The following ZNF569 variants were observed in gnomAD, a reference collection of about 807,000 sequenced individuals.
The protein encoded by ZNF569 is DNA-binding protein.
ZNF569 carries 38 observed loss-of-function variants against 56.3 expected under a neutral mutation model. That is an observed-to-expected ratio of 0.68 (90% CI 0.52 to 0.88). The LOEUF is 0.88. Among genes scored for constraint, ZNF569 ranks in the 40% least tolerant of loss-of-function variants. The probability of loss-of-function intolerance (pLI) is 0.00; values close to 1 mark genes in which losing one functional copy is unlikely to be tolerated. For synonymous variants in ZNF569, 241 were observed against 262.9 expected (o/e 0.92, Z 0.81); for missense variants, 666 against 809.2 (o/e 0.82, Z 2.15).
At chr19:37,468,976 C>T (rs2041902815), upstream of ZNF569, 4 of 888,134 alleles carry the variant, frequency 4.5e-6, no homozygotes, top group Non-Finnish European at 5.4e-6. Context: ...TTCCCACGCA[C>T]AAACCTTTTC....
intron 2 of ZNF569, among the ~76,000 whole-genome samples, chr19:37,451,401 A>G (rs1021585189): frequency 0.23 from 20,830 of 92,302 alleles, 1,579 homozygotes; most frequent in South Asian, 0.4. Context: ...CCCCATCTGA[A>G]AAAAAAAAAA....
chr19:37,417,500 C>G (rs189599077), intron 5 of ZNF569, among the ~76,000 whole-genome samples: 15 of 151,336 alleles, frequency 9.9e-5, no homozygotes, highest in Middle Eastern at 3.4e-3. Context: ...CCACCCGCCT[C>G]GGCCTCTCAA....
In ZNF569 at chr19:37,426,455, C is replaced by G. The variant is rs1959692833; in HGVS notation, c.16-77G>C. 6 of 1,430,100 alleles carry G rather than the reference C, an allele frequency of 4.2e-6. No individual in the cohort carries two copies. The African/African-American group carries it at 8.6e-5, about 20-fold the overall frequency. 88.6% of individuals were successfully genotyped at this position (1,430,100 alleles called of 1,614,324 possible). A position where few individuals can be genotyped will look rare whatever the true frequency, so the allele number is the denominator to read the frequency against. On this transcript the variant is annotated intron_variant, in intron 3 of 5. Transcript: ENST00000316950. ...TAAACAAAATATATTGAACCTTGTT[C>G]TGATATTAATCAGAGGTTATTAAAA...
chr19:37,446,999 A>G (rs970947413), intron 2 of ZNF569, among the ~76,000 whole-genome samples: 23 of 152,232 alleles, frequency 1.5e-4, no homozygotes, highest in African/African-American at 4.8e-4. Context: ...AACGTATGAA[A>G]AAATACTCAA....
At chr19:37,465,737 C>G (rs1053448615) in intron 1 of ZNF569, among the ~76,000 whole-genome samples, 2 of 152,050 alleles carry the variant, frequency 1.3e-5, no homozygotes, top group African/African-American at 4.8e-5. Flanking sequence ...TTCTGGGAAC[C>G]TTTAATAAAA....
chr19:37,441,591 G>C (rs142170895), intron 3 of ZNF569, among the ~76,000 whole-genome samples: 1 of 152,032 alleles, frequency 6.6e-6, no homozygotes, highest in Non-Finnish European at 1.5e-5. Flanking sequence ...AGCCCAGCAG[G>C]CAGAGGTTGC....
At chr19:37,462,511 C>T (rs2041771804) in intron 2 of ZNF569, among the ~76,000 whole-genome samples, 1 of 152,000 alleles carries the variant, frequency 6.6e-6, no homozygotes, top group Admixed American at 6.6e-5. Context: ...ATTCCACGGA[C>T]ACTGCTTTCA....
chr19:37,425,844 C>T, intron 5 of ZNF569, 24 bp downstream of exon 5: 3 of 1,579,946 alleles, frequency 1.9e-6, no homozygotes, highest in Non-Finnish European at 2.6e-6. Flanking sequence ...CCTCTCCTCA[C>T]CTGTCTGGTT....
At chr19:37,440,554 A>AT (rs1476733009) in intron 3 of ZNF569, among the ~76,000 whole-genome samples, 1 of 152,236 alleles carries the variant, frequency 6.6e-6, no homozygotes, top group Admixed American at 6.5e-5. Context: ...TCGTAGAATG[A>AT]TTAATTTTAA....
intron 1 of ZNF569, 82 bp downstream of exon 1, chr19:37,467,002 G>A (rs1296920454): frequency 6.6e-6 from 1 of 152,588 alleles, no homozygotes; most frequent in Non-Finnish European, 1.5e-5. Flanking sequence ...TCCAAAGATT[G>A]GGGCACCAGG....
intron 2 of ZNF569, among the ~76,000 whole-genome samples, chr19:37,445,764 A>G (rs1247941606): frequency 6.6e-6 from 1 of 152,212 alleles, no homozygotes; most frequent in Non-Finnish European, 1.5e-5. Context: ...CTCTATAAGG[A>G]AAACTACAAA....
upstream of ZNF569, among the ~76,000 whole-genome samples, chr19:37,468,276 A>G (rs984546991): frequency 3.3e-5 from 5 of 151,848 alleles, 1 homozygote; most frequent in Non-Finnish European, 7.4e-5. Flanking sequence ...GTTAGTAGAG[A>G]TAAGGTCTCG....
upstream of ZNF569, chr19:37,468,892 AT>A: frequency 3.6e-6 from 1 of 280,070 alleles, no homozygotes; most frequent in Non-Finnish European, 5.4e-6. Context: ...TCCCCTCCCA[AT>A]TTTTTTCGGG....
At chr19:37,467,909 T>A, upstream of ZNF569, 1 of 1,536,148 alleles carries the variant, frequency 6.5e-7, no homozygotes, top group Admixed American at 2.0e-5. Context: ...GTATTTGTTC[T>A]TTCTGGACTT....
At chr19:37,462,838 T>G (rs548904994) in intron 2 of ZNF569, among the ~76,000 whole-genome samples, 1 of 152,336 alleles carries the variant, frequency 6.6e-6, no homozygotes, top group South Asian at 2.1e-4. Flanking sequence ...ATGCTGATAA[T>G]TCCCAAATAT....
intron 5 of ZNF569, among the ~76,000 whole-genome samples, chr19:37,417,935 T>C (rs1175887788): frequency 6.6e-6 from 1 of 151,868 alleles, no homozygotes; most frequent in African/African-American, 2.4e-5. Context: ...ACCCGGTCTC[T>C]ACTAAAAATA....
At chr19:37,460,229 A>G (rs998887567) in intron 2 of ZNF569, among the ~76,000 whole-genome samples, 14 of 152,076 alleles carry the variant, frequency 9.2e-5, no homozygotes, top group African/African-American at 3.1e-4. Flanking sequence ...GCTGACTGCA[A>G]TCTCTGTCTC....
intron 2 of ZNF569, among the ~76,000 whole-genome samples, chr19:37,445,506 A>G (rs1291030893): frequency 6.6e-6 from 1 of 152,216 alleles, no homozygotes; most frequent in African/African-American, 2.4e-5. Flanking sequence ...AGGAAGTCAT[A>G]CTGTTGCTGC....
upstream of ZNF569, chr19:37,469,244 A>C: frequency 7.3e-7 from 1 of 1,378,980 alleles, no homozygotes. Flanking sequence ...CGCTGCTGCC[A>C]GACACTGCGA....
Sources: gnomAD v4.1 joint callset for allele counts (sites outside exome capture counted in the v4.1 genomes callset) on GRCh38, gnomAD v4.1.1 for gene constraint, MANE v1.5 for transcripts, NCBI Gene and HGNC (gene_info 2026-07-23, HGNC 2026-07-21) for gene names.